PITPNC1: variants seen among roughly 807,000 people sequenced by gnomAD.
PITPNC1 encodes cytoplasmic phosphatidylinositol transfer protein 1.
PITPNC1 carries 18 observed loss-of-function variants against 44.7 expected under a neutral mutation model. The ratio of observed to expected loss-of-function variants is 0.40; its 90% confidence interval spans 0.28 to 0.60. The LOEUF (loss-of-function observed/expected upper bound fraction) is 0.60, where lower values mean the gene tolerates loss of function less well. Ranked by LOEUF, PITPNC1 falls within the 20% of genes least tolerant of loss-of-function variation. PITPNC1 has a pLI of 0.39. For missense variants in PITPNC1, 290 were observed against 418.4 expected (o/e 0.69, Z 2.68); for synonymous variants, 141 against 149.6 (o/e 0.94, Z 0.42).
chr17:67,676,849 T>A lies in PITPNC1; in HGVS notation c.682+1307T>A. On this transcript the variant is annotated intron_variant, in intron 8 of 8. Coordinates refer to ENST00000581322, the MANE Select transcript of PITPNC1 (RefSeq NM_012417.4). This position sits in a 1 kb window ranked among gnomAD's most constrained non-coding sequence, Gnocchi z 4.0. The stretch of plus-strand genomic sequence containing the variant: ...TTTTTTTCTTTTTTTCTTACCTCCT[T>A]TTGCAGTTTTCCCAGATCTGCACCT... Among the ~76,000 whole-genome samples the A allele has an allele frequency of 6.6e-6, 1 of 152,100 alleles. No individual in the cohort carries two copies.
chr17:67,620,592 T>C (rs2041816762), intron 5 of PITPNC1, among the ~76,000 whole-genome samples: 1 of 152,172 alleles, frequency 6.6e-6, no homozygotes, highest in Non-Finnish European at 1.5e-5. Flanking sequence ...CCTGAAACCT[T>C]TGCCTTCAGT....
At chr17:67,408,677 T>TCTTCCTTCCTTCCTTCCTTCCTTC (rs71139143) in intron 1 of PITPNC1, 1 of 79,436 alleles carries the variant, frequency 1.3e-5, no homozygotes, top group Admixed American at 1.2e-4. Context: ...GCTTTCTCTT[T>TCTTCCTTCCTTCCTTCCTTCCTTC]CTTCCTTCCT....
chr17:67,681,494 A>G (rs1420415162), intron 8 of PITPNC1, among the ~76,000 whole-genome samples: 1 of 151,452 alleles, frequency 6.6e-6, no homozygotes, highest in Non-Finnish European at 1.5e-5. Flanking sequence ...CTGTAGTCCC[A>G]GCTGCTTGGG....
intron 1 of PITPNC1, among the ~76,000 whole-genome samples, chr17:67,522,491 A>G (rs1011989941): frequency 9.9e-5 from 15 of 152,116 alleles, no homozygotes; most frequent in African/African-American, 3.6e-4. Context: ...TCAAATAGAA[A>G]TAATTTTAAA....
chr17:67,467,897 A>G (rs1218311903), intron 1 of PITPNC1, among the ~76,000 whole-genome samples: 8 of 152,192 alleles, frequency 5.3e-5, no homozygotes, highest in Non-Finnish European at 1.2e-4. Flanking sequence ...AGAGACTCCT[A>G]ATGTGTCAGA....
At chr17:67,442,688 CAA>C (rs371674716) in intron 1 of PITPNC1, among the ~76,000 whole-genome samples, 7 of 150,368 alleles carry the variant, frequency 4.7e-5, no homozygotes, top group East Asian at 1.9e-4. Flanking sequence ...ACCAAAAATA[CAA>C]AAATATATAT....
chr17:67,589,233 C>T (rs2041359295), intron 5 of PITPNC1, among the ~76,000 whole-genome samples: 1 of 152,138 alleles, frequency 6.6e-6, no homozygotes, highest in African/African-American at 2.4e-5. Flanking sequence ...AACACATGAG[C>T]AAAAAGAATA....
chr17:67,575,337 G>A (rs2041125799), intron 4 of PITPNC1, among the ~76,000 whole-genome samples: 1 of 152,102 alleles, frequency 6.6e-6, no homozygotes, highest in Non-Finnish European at 1.5e-5. Context: ...GGATATAAGG[G>A]CAGCGGTTAT....
intron 1 of PITPNC1, among the ~76,000 whole-genome samples, chr17:67,497,754 C>A (rs555542973): frequency 6.6e-6 from 1 of 152,032 alleles, no homozygotes; most frequent in South Asian, 2.1e-4. Flanking sequence ...TCTTGAACTC[C>A]TGCACTCAAG....
intron 2 of PITPNC1, among the ~76,000 whole-genome samples, chr17:67,536,382 A>G (rs1357214386): frequency 1.3e-5 from 2 of 152,094 alleles, no homozygotes; most frequent in Non-Finnish European, 2.9e-5. Context: ...CACCACCACA[A>G]TGCCCGACTA....
At chr17:67,444,914 G>A (rs960689404) in intron 1 of PITPNC1, among the ~76,000 whole-genome samples, 14 of 151,848 alleles carry the variant, frequency 9.2e-5, no homozygotes, top group African/African-American at 3.4e-4. Context: ...AAGAAGGCAA[G>A]GTATATAAGT....
chr17:67,463,424 A>G (rs758100344), intron 1 of PITPNC1, among the ~76,000 whole-genome samples: 1 of 152,164 alleles, frequency 6.6e-6, no homozygotes, highest in Non-Finnish European at 1.5e-5. Context: ...CAAACTACCA[A>G]TTCTTACAAG....
At chr17:67,534,040 A>G (rs796665237) in intron 2 of PITPNC1, among the ~76,000 whole-genome samples, 8 of 151,976 alleles carry the variant, frequency 5.3e-5, no homozygotes, top group African/African-American at 1.7e-4. Flanking sequence ...GATTACAGGT[A>G]TCTACCACCA....
intron 1 of PITPNC1, among the ~76,000 whole-genome samples, chr17:67,415,744 T>C (rs2038577756): frequency 1.3e-5 from 2 of 152,188 alleles, no homozygotes; most frequent in South Asian, 4.1e-4. Flanking sequence ...CTCATTCTAA[T>C]TTTATTCTGC....
chr17:67,635,144 A>G (rs1050943999), intron 6 of PITPNC1, among the ~76,000 whole-genome samples: 22 of 152,228 alleles, frequency 1.4e-4, no homozygotes, highest in African/African-American at 5.1e-4. Context: ...TGCTTTTAAA[A>G]TATTGTTCTG....
chr17:67,378,207 G>A lies in PITPNC1; in HGVS notation c.48+5G>A. 1 of 1,531,042 alleles carries A rather than the reference G, an allele frequency of 6.5e-7. No homozygotes were observed. Among genetic ancestry groups the A allele is most frequent in the South Asian group, 1.2e-5 (1 of 82,350 alleles). 94.8% of individuals were successfully genotyped at this position (1,531,042 alleles called of 1,614,324 possible). ...ATGCCGCTCACCGTAGACGAGGTAA[G>A]CGCCGCGCCCGGCCCGGCCTCGCCC... On this transcript the variant is annotated splice_donor_5th_base_variant and intron_variant, in intron 1 of 8. Coordinates refer to ENST00000581322, the MANE Select transcript of PITPNC1 (RefSeq NM_012417.4).
At chr17:67,392,425 A>T (rs1262036771) in intron 1 of PITPNC1, among the ~76,000 whole-genome samples, 1 of 152,056 alleles carries the variant, frequency 6.6e-6, no homozygotes, top group East Asian at 1.9e-4. Context: ...ATTTTTTTTA[A>T]AGAGACCGGG....
chr17:67,438,086 A>G (rs1327953084), intron 1 of PITPNC1, among the ~76,000 whole-genome samples: 1 of 152,012 alleles, frequency 6.6e-6, no homozygotes, highest in African/African-American at 2.4e-5. Flanking sequence ...AAAAAAAGAA[A>G]AAAAAAGAAG....
chr17:67,569,635 AG>A (rs1400027155), intron 4 of PITPNC1, among the ~76,000 whole-genome samples: 18 of 152,206 alleles, frequency 1.2e-4, no homozygotes, highest in Non-Finnish European at 1.3e-4. Flanking sequence ...ACCAGATAAA[AG>A]GAAGAGGGTC....
Sources: gnomAD v4.1 joint callset for allele counts (sites outside exome capture counted in the v4.1 genomes callset) on GRCh38, gnomAD v4.1.1 for gene constraint, Gnocchi (gnomAD v3.1) non-coding constraint, MANE v1.5 for transcripts, NCBI Gene and HGNC (gene_info 2026-07-23, HGNC 2026-07-21) for gene names.